Variants in SUN1 observed in about 807,000 individuals in gnomAD.
The protein encoded by SUN1 is Sad1 and UNC84 domain containing 1.
In SUN1, 61 loss-of-function variants were observed where a neutral mutation model predicts 103.2. The observed-to-expected ratio is 0.59, with a 90% CI of 0.48 to 0.73. The LOEUF is 0.73. Ranked by LOEUF, SUN1 falls within the 30% of genes least tolerant of loss-of-function variation. The pLI is 0.00. For missense variants in SUN1, 1,052 were observed against 1,034.6 expected (o/e 1.02, Z -0.23); for synonymous variants, 490 against 425.7 (o/e 1.15, Z -1.86).
At chr7:849,555 G>T (rs377528034) in intron 5 of SUN1, 3 of 1,403,274 alleles carry the variant, frequency 2.1e-6, no homozygotes, top group Non-Finnish European at 1.9e-6. Context: ...GAATGTGAGA[G>T]AGGTTCTCAG....
At chr7:832,726 A>G (rs1485194237) in intron 1 of SUN1, 125 bp downstream of exon 1, 6 of 754,630 alleles carry the variant, frequency 8.0e-6, no homozygotes, top group East Asian at 5.4e-5. Context: ...GGTGAAAAAA[A>G]ATAATAAACT....
chr7:836,929 G>T (rs549646646), intron 1 of SUN1, among the ~76,000 whole-genome samples: 1 of 152,348 alleles, frequency 6.6e-6, no homozygotes, highest in African/African-American at 2.4e-5. Context: ...AGGGAAGGAG[G>T]TGGTGACGTC....
At chr7:827,768 A>G (rs11767322), upstream of SUN1, among the ~76,000 whole-genome samples, 48,388 of 151,950 alleles carry the variant, frequency 0.32, 7,924 homozygotes, top group Admixed American at 0.36. Context: ...GCCTGGCCTA[A>G]AATCCATTTT....
At chr7:831,565 C>T (rs778649512), upstream of SUN1, among the ~76,000 whole-genome samples, 47 of 152,284 alleles carry the variant, frequency 3.1e-4, no homozygotes, top group Middle Eastern at 3.4e-3. Flanking sequence ...CCACCGCACC[C>T]GGCCGAAACA....
intron 12 of SUN1, among the ~76,000 whole-genome samples, chr7:857,219 G>A (rs926908157): frequency 1.2e-4 from 19 of 152,190 alleles, no homozygotes; most frequent in African/African-American, 3.9e-4. Flanking sequence ...GTCTGCACTC[G>A]GGAGGGTCCA....
At chr7:832,211 C>A, upstream of SUN1, 1 of 744,490 alleles carries the variant, frequency 1.3e-6, no homozygotes, top group Non-Finnish European at 1.8e-6. Context: ...AGTTTCTCTC[C>A]GTGTTTCTTG....
At chr7:856,500 T>C in intron 12 of SUN1, 99 bp downstream of exon 12, 1 of 1,390,058 alleles carries the variant, frequency 7.2e-7, no homozygotes, top group Non-Finnish European at 1.0e-6. Context: ...GGGGCCGGCC[T>C]CCCCCGAGGG....
In SUN1 at chr7:847,179, T is replaced by G. The variant is rs1816675807; in HGVS notation, c.658+3659T>G. ...AGTGAAGTGGCCACGGCTCGGGTAC[T>G]CTGTAGATGATTGCTAGTGCGCCAG... On this transcript the variant is annotated intron_variant, in intron 5 of 18. Coordinates refer to ENST00000401592, the MANE Select transcript of SUN1 (RefSeq NM_001130965.3). 3.3e-5 allele frequency among the ~76,000 whole-genome samples: 5 copies of G among 152,154 alleles called. No individual in the cohort carries two copies. The South Asian group carries it at 6.2e-4, about 19-fold the overall frequency.
chr7:841,244 A>ATTTTTT (rs370665607), intron 2 of SUN1, among the ~76,000 whole-genome samples: 2 of 120,100 alleles, frequency 1.7e-5, no homozygotes, highest in East Asian at 2.4e-4. Context: ...ATGACCACCT[A>ATTTTTT]TTTTTTTTTT....
At chr7:849,626 G>A (rs374199172) in intron 5 of SUN1, 139 of 1,513,442 alleles carry the variant, frequency 9.2e-5, no homozygotes, top group Non-Finnish European at 1.1e-4. Context: ...TCGTTTTCCT[G>A]TGGGCGTCGG....
chr7:832,209 T>C, upstream of SUN1: 1 of 754,152 alleles, frequency 1.3e-6, no homozygotes, highest in South Asian at 3.3e-5. Context: ...TGAGTTTCTC[T>C]CCGTGTTTCT....
chr7:864,202 C>T (rs1005277487), intron 15 of SUN1, among the ~76,000 whole-genome samples: 1 of 151,992 alleles, frequency 6.6e-6, no homozygotes, highest in Admixed American at 6.6e-5. Flanking sequence ...TACCCATCCC[C>T]TCCAGCATTT....
intron 5 of SUN1, among the ~76,000 whole-genome samples, chr7:845,945 G>A (rs958087710): frequency 6.6e-6 from 1 of 152,180 alleles, no homozygotes; most frequent in African/African-American, 2.4e-5. Context: ...CCCCGGTGCT[G>A]CGTGGCTGTC....
intron 1 of SUN1, chr7:816,801 C>T (rs999533123): frequency 6.7e-6 from 1 of 148,330 alleles, no homozygotes; most frequent in Non-Finnish European, 1.5e-5. Context: ...GCGGGCTGCG[C>T]CAGGGCCTCC....
rs1054481418 is a variant in SUN1 at position 853,210 on chromosome 7, T to C, written c.1054-199T>C. ...ATCACTGTACAAAGTACAGAAAGTA[T>C]AGAGAAGAAAATGAGAAGCACCCAT... On this transcript the variant is annotated intron_variant, in intron 9 of 18. Transcript: ENST00000401592. The C allele has an allele frequency of 6.7e-6, 5 of 750,372 alleles. No homozygotes were observed. In the African/African-American group the frequency reaches 7.1e-5, roughly 11 times the overall value. The allele number at this position is 750,372 out of a possible 1,614,324, so 46.5% of individuals were successfully genotyped here.
At chr7:821,617 A>G (rs1355852522) in intron 1 of SUN1, among the ~76,000 whole-genome samples, 2 of 152,192 alleles carry the variant, frequency 1.3e-5, no homozygotes, top group African/African-American at 2.4e-5. Flanking sequence ...AAATCTGCTT[A>G]CAGTAAATGC....
At chr7:817,692 C>T (rs1325661351) in intron 1 of SUN1, among the ~76,000 whole-genome samples, 1 of 152,158 alleles carries the variant, frequency 6.6e-6, no homozygotes, top group Admixed American at 6.5e-5. Flanking sequence ...TGTTTTTACT[C>T]CCTACATCTC....
Position 850,313 on chromosome 7 carries a change from C to G in SUN1, c.659-1071C>G, listed in dbSNP as rs2128368133. 5 of 400,392 alleles carry G rather than the reference C, an allele frequency of 1.2e-5. No individual in the cohort carries two copies. The East Asian group carries it at 2.7e-4, about 22-fold the overall frequency. 24.8% of individuals were successfully genotyped at this position (400,392 alleles called of 1,614,324 possible). A position where few individuals can be genotyped will look rare whatever the true frequency, so the allele number is the denominator to read the frequency against. ...TCCAGAGTTCAAGCAATTCTCCTGC[C>G]ACAGCCTCCTGAGTAGCTGGGACTA... is the stretch of plus-strand genomic sequence containing the variant. On this transcript the variant is annotated intron_variant, in intron 5 of 18. Coordinates refer to ENST00000401592, the MANE Select transcript of SUN1 (RefSeq NM_001130965.3).
At chr7:872,723 G>T (rs1049605701) in intron 18 of SUN1, among the ~76,000 whole-genome samples, 161 bp downstream of exon 18, 31 of 152,186 alleles carry the variant, frequency 2.0e-4, no homozygotes, top group Admixed American at 5.2e-4. Flanking sequence ...GCCTTTCCAT[G>T]GCTAATAGCG....
Sources: allele counts gnomAD v4.1 joint callset (sites outside exome capture counted in the v4.1 genomes callset), GRCh38; gene constraint gnomAD v4.1.1; transcripts MANE v1.5; gene names NCBI Gene and HGNC (gene_info 2026-07-23, HGNC 2026-07-21).